Variants in FHIT observed in about 807,000 individuals in gnomAD.
The protein encoded by FHIT is fragile histidine triad diadenosine triphosphatase.
A neutral mutation model predicts 17.9 loss-of-function variants in FHIT; 19 were observed. That is an observed-to-expected ratio of 1.06 (90% CI 0.74 to 1.56). FHIT has a LOEUF of 1.56. Ranked by LOEUF, FHIT falls within the 40% of genes most tolerant of loss-of-function variation. FHIT has a pLI of 0.00. For synonymous variants in FHIT, 81 were observed against 69.7 expected (o/e 1.16, Z -0.81); for missense variants, 248 against 189.2 (o/e 1.31, Z -1.82).
chr3:60,904,553 A>C (rs1706297260), intron 3 of FHIT, among the ~76,000 whole-genome samples: 1 of 152,178 alleles, frequency 6.6e-6, no homozygotes, highest in Admixed American at 6.5e-5. Context: ...ATAGCAAAAA[A>C]TACCATAAGC....
chr3:59,953,320 T>G (rs1175595490), intron 7 of FHIT, among the ~76,000 whole-genome samples: 1 of 152,066 alleles, frequency 6.6e-6, no homozygotes, highest in African/African-American at 2.4e-5. Flanking sequence ...ATGACTGTCT[T>G]CATGCGTGCA....
At chr3:60,132,966 C>G (rs545677259) in intron 5 of FHIT, among the ~76,000 whole-genome samples, 1,533 of 152,216 alleles carry the variant, frequency 0.01, 20 homozygotes, top group African/African-American at 0.034. Context: ...ACTGAAATAG[C>G]ATCTAAAAGC....
chr3:60,702,746 T>A (rs1553702518), intron 4 of FHIT, among the ~76,000 whole-genome samples: 1 of 152,134 alleles, frequency 6.6e-6, no homozygotes, highest in East Asian at 1.9e-4. Flanking sequence ...CATAACACAG[T>A]GCTAAGTAAC....
chr3:60,371,842 G>GT (rs10576261), intron 5 of FHIT, among the ~76,000 whole-genome samples: 61,131 of 142,866 alleles, frequency 0.43, 14,402 homozygotes, highest in Non-Finnish European at 0.55. Context: ...TTTTTGTGGG[G>GT]TTTTTTTTTT....
At chr3:60,894,196 T>C (rs1306491846) in intron 3 of FHIT, among the ~76,000 whole-genome samples, 1 of 152,206 alleles carries the variant, frequency 6.6e-6, no homozygotes, top group African/African-American at 2.4e-5. Flanking sequence ...ACCTCGTGTA[T>C]AGTTAACCAC....
chr3:60,082,211 G>C (rs1010759590), intron 5 of FHIT, among the ~76,000 whole-genome samples: 1 of 150,906 alleles, frequency 6.6e-6, no homozygotes, highest in South Asian at 2.1e-4. Flanking sequence ...ACTTATAAGA[G>C]AGAACATGTA....
chr3:60,396,131 T>G (rs1349663164), intron 5 of FHIT, among the ~76,000 whole-genome samples: 1 of 152,150 alleles, frequency 6.6e-6, no homozygotes, highest in Non-Finnish European at 1.5e-5. Context: ...GCCAGTTCAG[T>G]CTACCTCTGG....
chr3:60,225,180 T>C (rs1423728545), intron 5 of FHIT, among the ~76,000 whole-genome samples: 1 of 152,188 alleles, frequency 6.6e-6, no homozygotes, highest in African/African-American at 2.4e-5. Flanking sequence ...TCACAGACCA[T>C]ATATGCCATG....
chr3:61,112,998 GTTTA>G (rs1168479911), intron 2 of FHIT, among the ~76,000 whole-genome samples: 3 of 151,944 alleles, frequency 2.0e-5, no homozygotes, highest in African/African-American at 2.4e-5. Flanking sequence ...CACTGTGTGT[GTTTA>G]TTTGTTTGTT....
chr3:60,183,938 G>C (rs1251290430), intron 5 of FHIT, among the ~76,000 whole-genome samples: 2 of 151,840 alleles, frequency 1.3e-5, no homozygotes, highest in Non-Finnish European at 2.9e-5. Flanking sequence ...ATATATGATA[G>C]AGTTGTTACA....
chr3:59,795,339 G>C (rs932828978), intron 8 of FHIT, among the ~76,000 whole-genome samples: 1 of 151,344 alleles, frequency 6.6e-6, no homozygotes, highest in Admixed American at 6.6e-5. Flanking sequence ...AGCCGAGATT[G>C]TGCCATTGCA....
rs570993752 is a variant in FHIT, at chr3:60,847,737, T to G, written c.-110-25726A>C. Reference sequence around the variant, plus strand: ...TTTCTTCTTTTCTTCTTCCTTACCTTGAAATTTCTGCCTGTGGTAAAACCA... The same window carrying G: ...TTTCTTCTTTTCTTCTTCCTTACCTGGAAATTTCTGCCTGTGGTAAAACCA... On this transcript the variant is annotated intron_variant, in intron 3 of 9. Coordinates refer to ENST00000492590, the MANE Select transcript of FHIT (RefSeq NM_002012.4). Among the ~76,000 whole-genome samples the G allele has an allele frequency of 2.0e-5, 3 of 152,142 alleles. No individual in the cohort carries two copies. The East Asian group carries it at 5.8e-4, about 29-fold the overall frequency.
intron 8 of FHIT, among the ~76,000 whole-genome samples, chr3:59,910,737 A>C (rs570899160): frequency 4.6e-5 from 7 of 152,338 alleles, no homozygotes; most frequent in African/African-American, 1.7e-4. Context: ...TCTGAAGTCC[A>C]TACATCAGTA....
intron 4 of FHIT, among the ~76,000 whole-genome samples, chr3:60,801,847 G>A (rs1311127633): frequency 6.6e-6 from 1 of 152,140 alleles, no homozygotes; most frequent in Non-Finnish European, 1.5e-5. Context: ...TATGTGTGTA[G>A]CACAAAGTAG....
At chr3:60,235,187 G>T (rs565232697) in intron 5 of FHIT, among the ~76,000 whole-genome samples, 98 of 150,288 alleles carry the variant, frequency 6.5e-4, no homozygotes, top group African/African-American at 2.3e-3. Context: ...ATCCTTCTCT[G>T]TTAAGTAGAT....
intron 4 of FHIT, among the ~76,000 whole-genome samples, chr3:60,772,059 T>C (rs1700061097): frequency 1.3e-5 from 2 of 152,240 alleles, no homozygotes; most frequent in South Asian, 4.2e-4. Context: ...GTACAATGAT[T>C]GACAAAGATT....
chr3:59,801,513 A>G (rs554066588), intron 8 of FHIT, among the ~76,000 whole-genome samples: 85 of 151,958 alleles, frequency 5.6e-4, no homozygotes, highest in Non-Finnish European at 1.1e-3. Flanking sequence ...TAGTTTCCCT[A>G]TATAAGTGAA....
intron 4 of FHIT, among the ~76,000 whole-genome samples, chr3:60,662,032 G>C (rs2040259672): frequency 6.6e-6 from 1 of 152,100 alleles, no homozygotes; most frequent in African/African-American, 2.4e-5. Context: ...TTCTTTTGCT[G>C]TGCAGAAGCT....
At chr3:60,478,209 A>G (rs1180684111) in intron 5 of FHIT, among the ~76,000 whole-genome samples, 1 of 152,216 alleles carries the variant, frequency 6.6e-6, no homozygotes, top group Non-Finnish European at 1.5e-5. Context: ...ACAGATGAAG[A>G]AATGAGACAA....
Sources: allele counts gnomAD v4.1 joint callset (sites outside exome capture counted in the v4.1 genomes callset), GRCh38; gene constraint gnomAD v4.1.1; transcripts MANE v1.5; gene names NCBI Gene and HGNC (gene_info 2026-07-23, HGNC 2026-07-21).